The following EVL variants were observed in gnomAD, a reference collection of about 807,000 sequenced individuals.
The protein encoded by EVL is Enah/Vasp-like, also known as ena/VASP-like protein.
In EVL, 21 loss-of-function variants were observed where a neutral mutation model predicts 59.6. That is an observed-to-expected ratio of 0.35 (90% CI 0.25 to 0.51). EVL has a LOEUF of 0.51. Among genes scored for constraint, EVL ranks in the 20% least tolerant of loss-of-function variants. The pLI, the probability that EVL is intolerant of heterozygous loss-of-function variation, is 0.97. For synonymous variants in EVL, 198 were observed against 203.5 expected, an observed-to-expected ratio of 0.97 and a Z score of 0.23; for missense variants, 462 against 546.6, an observed-to-expected ratio of 0.85 and a Z score of 1.54.
intron 12 of EVL, 70 bp downstream of exon 12, chr14:100,141,316 A>C: frequency 6.4e-7 from 1 of 1,559,800 alleles, no homozygotes; most frequent in Non-Finnish European, 8.8e-7. Context: ...GTCTCTGACC[A>C]GCATGGCCAG....
chr14:100,022,028 T>C (rs2061133565), intron 1 of EVL, among the ~76,000 whole-genome samples: 2 of 152,124 alleles, frequency 1.3e-5, no homozygotes, highest in South Asian at 4.2e-4. Context: ...TCTCTTGATC[T>C]TTCTTAGTGT....
chr14:100,008,397 T>G (rs1337754901), intron 1 of EVL, among the ~76,000 whole-genome samples: 1 of 152,192 alleles, frequency 6.6e-6, no homozygotes, highest in Non-Finnish European at 1.5e-5. Context: ...GTTTTTCTGT[T>G]TCTTTGCTCA....
At chr14:100,009,250 A>G (rs1450471001) in intron 1 of EVL, among the ~76,000 whole-genome samples, 2 of 152,244 alleles carry the variant, frequency 1.3e-5, no homozygotes, top group African/African-American at 4.8e-5. Flanking sequence ...CATGGGAACT[A>G]CTGCTCTCTT....
chr14:100,047,029 A>G (rs997775136), intron 1 of EVL, among the ~76,000 whole-genome samples: 6 of 149,404 alleles, frequency 4.0e-5, no homozygotes, highest in African/African-American at 1.5e-4. Flanking sequence ...CTGGGATTAC[A>G]GGCGTGAGCC....
chr14:100,014,784 G>A (rs984240404), intron 1 of EVL, among the ~76,000 whole-genome samples: 8 of 152,200 alleles, frequency 5.3e-5, no homozygotes, highest in African/African-American at 1.9e-4. Flanking sequence ...GAGGCTAGAA[G>A]GGTCTTAATT....
intron 3 of EVL, among the ~76,000 whole-genome samples, chr14:100,112,134 G>A (rs1237187744): frequency 2.6e-5 from 4 of 152,212 alleles, no homozygotes; most frequent in African/African-American, 9.7e-5. Context: ...CCTCCTGCCA[G>A]CTTCAGCTCA....
chr14:99,993,685 C>CTTTTTTTTTTTTTTTTTTTTT (rs532512303), intron 1 of EVL, among the ~76,000 whole-genome samples: 3 of 78,308 alleles, frequency 3.8e-5, no homozygotes, highest in Admixed American at 1.4e-4. Context: ...TTCTTTCTTT[C>CTTTTTTTTTTTTTTTTTTTTT]TTTTTTTTTT....
At chr14:99,997,534 A>G (rs2060921730) in intron 1 of EVL, among the ~76,000 whole-genome samples, 1 of 152,240 alleles carries the variant, frequency 6.6e-6, no homozygotes, top group Admixed American at 6.5e-5. Context: ...TTAGGACAAG[A>G]AAGGTATGGG....
In EVL at chr14:99,983,414, C is replaced by T. The variant is rs1277472881; in HGVS notation, c.5+11357C>T. ...GGGAAACATGAGCCAGTGTGTGCCT[C>T]TCCTTGGGTAATAAAGGAGAGACAT... On this transcript the variant is annotated intron_variant, in intron 1 of 13. Coordinates refer to the EVL transcript ENST00000402714. 7.2e-5 allele frequency among the ~76,000 whole-genome samples: 11 copies of T among 152,284 alleles called. No homozygotes were observed. In the South Asian group the frequency reaches 1.5e-3, roughly 20 times the overall value.
chr14:100,079,881 C>T (rs191990820), intron 1 of EVL, among the ~76,000 whole-genome samples: 2 of 152,032 alleles, frequency 1.3e-5, no homozygotes, highest in African/African-American at 2.4e-5. Context: ...CACGGAGGGC[C>T]GTGCTGCAAG....
chr14:99,999,049 AT>A (rs1173839386), intron 1 of EVL, among the ~76,000 whole-genome samples: 1 of 151,590 alleles, frequency 6.6e-6, no homozygotes, highest in Admixed American at 6.6e-5. Flanking sequence ...AATTATAGTA[AT>A]TTATAAATTT....
At chr14:99,993,160 T>G (rs1170406427) in intron 1 of EVL, among the ~76,000 whole-genome samples, 2 of 150,646 alleles carry the variant, frequency 1.3e-5, no homozygotes, top group African/African-American at 2.5e-5. Flanking sequence ...CAGGTTCAAG[T>G]GATTCTCCTG....
chr14:100,062,326 T>C (rs2061850723), upstream of EVL, among the ~76,000 whole-genome samples: 1 of 151,898 alleles, frequency 6.6e-6, no homozygotes, highest in East Asian at 1.9e-4. Context: ...AATGAAATTA[T>C]GCAATTATGA....
At chr14:99,993,470 G>A (rs2060889108) in intron 1 of EVL, among the ~76,000 whole-genome samples, 1 of 152,026 alleles carries the variant, frequency 6.6e-6, no homozygotes, top group African/African-American at 2.4e-5. Flanking sequence ...GTCTTTGTCT[G>A]GTTTTGGTAT....
chr14:100,000,436 C>T (rs1020553622), intron 1 of EVL, among the ~76,000 whole-genome samples: 3 of 151,082 alleles, frequency 2.0e-5, no homozygotes, highest in South Asian at 2.1e-4. Flanking sequence ...CAACTTCCGC[C>T]TCCTGGGTTC....
intron 11 of EVL, chr14:100,138,167 A>G: frequency 2.9e-6 from 1 of 343,382 alleles, no homozygotes; most frequent in South Asian, 3.3e-5. Flanking sequence ...CCTGCTGCAC[A>G]GGGTGGTGGT....
At chr14:100,029,750 T>C (rs1362461824) in intron 1 of EVL, among the ~76,000 whole-genome samples, 1 of 152,106 alleles carries the variant, frequency 6.6e-6, no homozygotes, top group Non-Finnish European at 1.5e-5. Flanking sequence ...AGCTGAGGTA[T>C]AGGAACAGGG....
rs975829605 is a variant in EVL at position 100,026,759 on chromosome 14, C to T, written c.5+54702C>T. ...GGTCGTCATCTTGTATCCCTACCAA[C>T]TACTGCTGACAGCATACTCTCAGCT... On this transcript the variant is annotated intron_variant, in intron 1 of 13. Transcript: ENST00000402714. Among the ~76,000 whole-genome samples, 22 of 152,338 alleles carry T rather than the reference C, an allele frequency of 1.4e-4. 2 individuals carry two copies. The highest frequency in any genetic ancestry group is 7.3e-5 in the Non-Finnish European group (5 of 68,034).
At chr14:100,129,722 C>A in intron 7 of EVL, 38 bp downstream of exon 7, 1 of 1,508,740 alleles carries the variant, frequency 6.6e-7, no homozygotes, top group Non-Finnish European at 8.9e-7. Context: ...GTGTGCCTAG[C>A]AGGAAGCTCC....
Sources: gnomAD v4.1 joint callset for allele counts (sites outside exome capture counted in the v4.1 genomes callset) on GRCh38, gnomAD v4.1.1 for gene constraint, MANE v1.5 for transcripts, NCBI Gene and HGNC (gene_info 2026-07-23, HGNC 2026-07-21) for gene names.